The following ADGRB3 variants were observed in gnomAD, a reference collection of about 807,000 sequenced individuals.
The protein encoded by ADGRB3 is adhesion G protein-coupled receptor B3, also known as brain-specific angiogenesis inhibitor 3.
Under a neutral mutation model 193.4 loss-of-function variants are expected in ADGRB3, and 37 were observed. That is an observed-to-expected ratio of 0.19 (90% CI 0.15 to 0.25). The LOEUF is 0.25. Among genes scored for constraint, ADGRB3 ranks in the 10% least tolerant of loss-of-function variants. ADGRB3 has a pLI of 1.00. For synonymous variants in ADGRB3, 690 were observed against 644.2 expected (o/e 1.07, Z -1.08); for missense variants, 1,637 against 1,852.9 (o/e 0.88, Z 2.14).
intron 3 of ADGRB3, among the ~76,000 whole-genome samples, chr6:68,806,519 AG>A (rs1767404153): frequency 6.6e-6 from 1 of 152,060 alleles, no homozygotes; most frequent in South Asian, 2.1e-4. Context: ...TGAATTAAAA[AG>A]AAAAAGTACT....
chr6:68,755,025 A>G (rs1253570185), intron 3 of ADGRB3, among the ~76,000 whole-genome samples: 12 of 152,200 alleles, frequency 7.9e-5, no homozygotes, highest in Admixed American at 2.6e-4. Flanking sequence ...TTGTGTTTGC[A>G]TGTGCAACCA....
intron 17 of ADGRB3, among the ~76,000 whole-genome samples, chr6:69,083,039 T>C (rs1408624126): frequency 6.6e-6 from 1 of 152,210 alleles, no homozygotes; most frequent in Non-Finnish European, 1.5e-5. Flanking sequence ...GCTGGATCGT[T>C]GTCACATTTT....
At chr6:68,713,398 C>T (rs16900145) in intron 3 of ADGRB3, among the ~76,000 whole-genome samples, 4,030 of 151,784 alleles carry the variant, frequency 0.027, 168 homozygotes, top group African/African-American at 0.091. Flanking sequence ...AATTCTTAGG[C>T]ATAGTTTATA....
intron 17 of ADGRB3, among the ~76,000 whole-genome samples, chr6:69,123,937 G>A (rs1273327559): frequency 6.6e-6 from 1 of 152,114 alleles, no homozygotes; most frequent in East Asian, 1.9e-4. Flanking sequence ...TTGGAAAGGG[G>A]ACTTACATAA....
intron 11 of ADGRB3, among the ~76,000 whole-genome samples, chr6:69,011,383 C>A (rs1769932651): frequency 1.3e-5 from 2 of 151,796 alleles, no homozygotes; most frequent in Non-Finnish European, 2.9e-5. Flanking sequence ...GAACAGAAAA[C>A]CAAATACTGC....
At chr6:69,206,221 G>T (rs952513892) in intron 17 of ADGRB3, among the ~76,000 whole-genome samples, 2 of 151,716 alleles carry the variant, frequency 1.3e-5, no homozygotes, top group Non-Finnish European at 2.9e-5. Flanking sequence ...TGCGGAATGG[G>T]AGAAAGATGT....
At chr6:68,953,486 C>G (rs1027156204) in intron 6 of ADGRB3, among the ~76,000 whole-genome samples, 2 of 151,992 alleles carry the variant, frequency 1.3e-5, no homozygotes, top group Non-Finnish European at 2.9e-5. Context: ...ACTGCAAGCT[C>G]AATAAATGTT....
At chr6:68,883,456 C>T (rs570851272) in intron 3 of ADGRB3, among the ~76,000 whole-genome samples, 1 of 152,270 alleles carries the variant, frequency 6.6e-6, no homozygotes, top group East Asian at 1.9e-4. Flanking sequence ...TGTTTATTTG[C>T]TCTTTGCAAT....
intron 17 of ADGRB3, among the ~76,000 whole-genome samples, chr6:69,108,200 T>A: frequency 8.6e-6 from 1 of 116,236 alleles, no homozygotes; most frequent in East Asian, 1.1e-3. Flanking sequence ...GCCACGAGAC[T>A]TCTTCAGTTT....
In ADGRB3 at chr6:68,971,204, T is replaced by C. The variant is rs79858203; in HGVS notation, c.1526-3559T>C. Reference sequence around the variant, plus strand: ...AAAAAAATGACGTCTGTATTGAACATGTACAAAGTTTTTTCTAGTCATTAT... The same window carrying C: ...AAAAAAATGACGTCTGTATTGAACACGTACAAAGTTTTTTCTAGTCATTAT... On this transcript the variant is annotated intron_variant, in intron 8 of 31. Transcript: ENST00000370598. Among the ~76,000 whole-genome samples, 148 of 152,326 alleles carry C rather than the reference T, an allele frequency of 9.7e-4. 1 individual carries two copies. The highest frequency in any genetic ancestry group is 3.3e-3 in the African/African-American group (139 of 41,580).
chr6:68,792,758 T>C (rs1767133428), intron 3 of ADGRB3, among the ~76,000 whole-genome samples: 1 of 152,180 alleles, frequency 6.6e-6, no homozygotes, highest in Non-Finnish European at 1.5e-5. Context: ...AAGGATACCC[T>C]GGTGATACTT....
intron 3 of ADGRB3, among the ~76,000 whole-genome samples, chr6:68,849,970 G>A (rs890461924): frequency 3.4e-5 from 5 of 147,700 alleles, no homozygotes; most frequent in Non-Finnish European, 6.1e-5. Flanking sequence ...TAACTTTATT[G>A]GATTCCTGTT....
At chr6:69,000,885 A>G (rs754115331) in intron 11 of ADGRB3, among the ~76,000 whole-genome samples, 1 of 152,226 alleles carries the variant, frequency 6.6e-6, no homozygotes, top group Admixed American at 6.5e-5. Context: ...TTTCAGGGAT[A>G]TGGTGAGGCT....
At chr6:69,312,663 A>C (rs1420450539) in intron 20 of ADGRB3, among the ~76,000 whole-genome samples, 1 of 151,614 alleles carries the variant, frequency 6.6e-6, no homozygotes, top group African/African-American at 2.4e-5. Context: ...CCTGCACCCC[A>C]CCATGGCAGC....
At chr6:69,106,444 G>A (rs1048997836) in intron 17 of ADGRB3, among the ~76,000 whole-genome samples, 20 of 152,020 alleles carry the variant, frequency 1.3e-4, no homozygotes, top group African/African-American at 3.9e-4. Context: ...TTTTCTGTCC[G>A]TATTAGTACT....
chr6:68,944,999 C>G (rs1453948856), intron 6 of ADGRB3, among the ~76,000 whole-genome samples: 1 of 152,158 alleles, frequency 6.6e-6, no homozygotes, highest in East Asian at 1.9e-4. Flanking sequence ...GAAACTCACC[C>G]TCAGTCCCAC....
At chr6:69,080,455 ATCT>A (rs1473293139) in intron 17 of ADGRB3, among the ~76,000 whole-genome samples, 2 of 152,016 alleles carry the variant, frequency 1.3e-5, no homozygotes, top group African/African-American at 2.4e-5. Flanking sequence ...ACAGAAAATA[ATCT>A]TCTTATAAGT....
intron 6 of ADGRB3, among the ~76,000 whole-genome samples, chr6:68,949,553 G>C (rs1280321271): frequency 1.3e-5 from 2 of 152,080 alleles, no homozygotes; most frequent in Non-Finnish European, 2.9e-5. Flanking sequence ...CTCTCTGCAG[G>C]GTGCCCTTCT....
chr6:69,071,379 G>T (rs945941871), intron 16 of ADGRB3, among the ~76,000 whole-genome samples: 2 of 152,124 alleles, frequency 1.3e-5, no homozygotes, highest in African/African-American at 2.4e-5. Context: ...CTATCCATTG[G>T]AATGCTTTGG....
Sources: gnomAD v4.1 joint callset for allele counts (sites outside exome capture counted in the v4.1 genomes callset) on GRCh38, gnomAD v4.1.1 for gene constraint, MANE v1.5 for transcripts, NCBI Gene and HGNC (gene_info 2026-07-23, HGNC 2026-07-21) for gene names.